The following IFIH1 variants were observed in gnomAD, a reference collection of about 807,000 sequenced individuals.
IFIH1 encodes interferon induced with helicase C domain 1, also known as interferon-induced helicase C domain-containing protein 1.
A neutral mutation model predicts 107.4 loss-of-function variants in IFIH1; 125 were observed. The ratio of observed to expected loss-of-function variants is 1.16; its 90% CI spans 1.01 to 1.35. The LOEUF is 1.35. Among genes scored for constraint, IFIH1 ranks in the 40% most tolerant of loss-of-function variants. IFIH1 has a pLI of 0.00. For synonymous variants in IFIH1, 458 were observed against 413.2 expected, an observed-to-expected ratio of 1.11 and a Z score of -1.31; for missense variants, 1,333 against 1,213.7, an observed-to-expected ratio of 1.10 and a Z score of -1.46.
intron 3 of IFIH1, among the ~76,000 whole-genome samples, chr2:162,297,686 T>C (rs1683117912): frequency 6.6e-6 from 1 of 152,174 alleles, no homozygotes; most frequent in Admixed American, 6.6e-5. Context: ...AAGCTAACTA[T>C]GAAACAGATT....
intron 3 of IFIH1, among the ~76,000 whole-genome samples, chr2:162,298,767 TACACACACACGCACGCGCGCGCGCAC>T (rs1432914764): frequency 1.3e-5 from 2 of 151,468 alleles, no homozygotes; most frequent in Admixed American, 6.7e-5. Flanking sequence ...TATATGGATC[TACACACACACGCACGCGCGCGCGCAC>T]ACACACACAC....
intron 7 of IFIH1, among the ~76,000 whole-genome samples, chr2:162,280,368 G>A (rs942559307): frequency 1.3e-5 from 2 of 151,882 alleles, no homozygotes; most frequent in African/African-American, 4.8e-5. Flanking sequence ...AAATCAAGTT[G>A]GTGTAATAAC....
At chr2:162,309,179 GT>G (rs1172862258) in intron 2 of IFIH1, among the ~76,000 whole-genome samples, 1 of 152,136 alleles carries the variant, frequency 6.6e-6, no homozygotes, top group Non-Finnish European at 1.5e-5. Flanking sequence ...GCTCTGTTTG[GT>G]TTGATGCTCT....
At chr2:162,286,037 C>G (rs1682887377) in intron 5 of IFIH1, among the ~76,000 whole-genome samples, 1 of 151,898 alleles carries the variant, frequency 6.6e-6, no homozygotes, top group African/African-American at 2.4e-5. Context: ...ACGCTCTGCA[C>G]TGGTATGATC....
chr2:162,312,999 T>C (rs1352254552), intron 1 of IFIH1, among the ~76,000 whole-genome samples: 1 of 152,206 alleles, frequency 6.6e-6, no homozygotes, highest in Non-Finnish European at 1.5e-5. Context: ...CAACTTTTAC[T>C]GTGGAATCAT....
At chr2:162,289,856 C>A (rs1056902944) in intron 4 of IFIH1, among the ~76,000 whole-genome samples, 8 of 151,838 alleles carry the variant, frequency 5.3e-5, no homozygotes, top group African/African-American at 1.9e-4. Flanking sequence ...TTAAAATATA[C>A]CTTTATAAGT....
At chr2:162,301,830 A>G (rs748834137) in intron 3 of IFIH1, among the ~76,000 whole-genome samples, 58 of 152,192 alleles carry the variant, frequency 3.8e-4, no homozygotes, top group Non-Finnish European at 6.3e-4. Context: ...CTTTTGTTAT[A>G]AGACGACCAG....
intron 10 of IFIH1, among the ~76,000 whole-genome samples, chr2:162,277,186 A>T (rs1682699518): frequency 6.6e-6 from 1 of 152,206 alleles, no homozygotes; most frequent in Admixed American, 6.5e-5. Flanking sequence ...GGATGGTTTA[A>T]TAAATAAATT....
intron 5 of IFIH1, among the ~76,000 whole-genome samples, chr2:162,283,919 A>C (rs1682852413): frequency 6.6e-6 from 1 of 151,964 alleles, no homozygotes; most frequent in Non-Finnish European, 1.5e-5. Context: ...TGAGTGAAAG[A>C]ACATTACCTT....
At chr2:162,304,423 C>T (rs1367461552) in intron 3 of IFIH1, among the ~76,000 whole-genome samples, 1 of 152,138 alleles carries the variant, frequency 6.6e-6, no homozygotes, top group African/African-American at 2.4e-5. Context: ...GTTTGTGCCA[C>T]TGTACTCCAG....
intron 3 of IFIH1, among the ~76,000 whole-genome samples, chr2:162,304,331 G>A (rs549202888): frequency 1.2e-4 from 18 of 152,184 alleles, no homozygotes; most frequent in Non-Finnish European, 2.2e-4. Flanking sequence ...GTATGGTGGC[G>A]CACGCCCGTG....
At chr2:162,316,426 C>T (rs578106285) in intron 1 of IFIH1, among the ~76,000 whole-genome samples, 8 of 152,254 alleles carry the variant, frequency 5.3e-5, no homozygotes, top group South Asian at 4.2e-4. Flanking sequence ...ATACACAAAA[C>T]GACATAAACA....
Position 162,281,346 on chromosome 2 carries a change from A to C in IFIH1, c.1506T>G (p.Ala502=). 1 of 1,612,132 alleles carries C rather than the reference A, an allele frequency of 6.2e-7. No homozygotes were observed. ...GVGGATKQAK[A]EEHILKLCAN... ...GACTTACTTTTAAAATGTGTTCTTC[A>C]GCTTTGGCTTGCTTCGTGGCCCCTC... Residue 502 remains alanine (A), a synonymous_variant, in exon 7 of 16, where the codon GCT becomes GCG. Transcript: ENST00000649979.
intron 7 of IFIH1, among the ~76,000 whole-genome samples, 178 bp downstream of exon 7, chr2:162,281,146 ATATT>A (rs1682799776): frequency 6.6e-6 from 1 of 151,984 alleles, no homozygotes; most frequent in African/African-American, 2.4e-5. Context: ...TGTGTTATTG[ATATT>A]TATTAAGGCA....
In IFIH1 at chr2:162,277,448, C is replaced by T; in HGVS notation, c.2011G>A (p.Glu671Lys). The change falls in exon 10 of 16, where the codon GAA becomes AAA. Residue 671 changes from glutamate to lysine, a missense_variant. Physicochemically the swap from Glu to Lys is moderately conservative, Grantham distance 56. Coordinates refer to ENST00000649979, the MANE Select transcript of IFIH1 (RefSeq NM_022168.4). ...AAAGTCATGAGAAATCTATCTGTTTCATCCAGTTTCAAAGGTTTCTTTAAA... is the reference window on the plus strand; with the variant it reads ...AAAGTCATGAGAAATCTATCTGTTTTATCCAGTTTCAAAGGTTTCTTTAAA... ...DDLKKPLKLD[E>K]TDRFLMTLFF... The T allele has an allele frequency of 6.2e-7, 1 of 1,609,100 alleles. No homozygotes were observed. The highest frequency in any genetic ancestry group is 1.1e-5 in the South Asian group (1 of 90,682).
chr2:162,289,913 G>A (rs1347787723), intron 4 of IFIH1, among the ~76,000 whole-genome samples: 1 of 151,898 alleles, frequency 6.6e-6, no homozygotes, highest in Non-Finnish European at 1.5e-5. Flanking sequence ...AGTTCATCTT[G>A]TATTATATTT....
At chr2:162,274,517 G>A (rs1264866768) in intron 11 of IFIH1, among the ~76,000 whole-genome samples, 2 of 152,096 alleles carry the variant, frequency 1.3e-5, no homozygotes, top group Non-Finnish European at 2.9e-5. Flanking sequence ...AAGACTAGAG[G>A]TCAGTGGTAT....
At chr2:162,314,449 T>A (rs1051097968) in intron 1 of IFIH1, among the ~76,000 whole-genome samples, 2 of 122,984 alleles carry the variant, frequency 1.6e-5, no homozygotes, top group African/African-American at 3.9e-5. Flanking sequence ...TCTTTCTTTC[T>A]TTCTTTCTTT....
At chr2:162,296,723 TAGAG>T (rs770761182) in intron 3 of IFIH1, among the ~76,000 whole-genome samples, 22 of 152,290 alleles carry the variant, frequency 1.4e-4, no homozygotes, top group Non-Finnish European at 2.6e-4. Flanking sequence ...GAAAAGAACT[TAGAG>T]AGATGATTTT....
Sources: allele counts gnomAD v4.1 joint callset (sites outside exome capture counted in the v4.1 genomes callset), GRCh38; gene constraint gnomAD v4.1.1; transcripts MANE v1.5; gene names NCBI Gene and HGNC (gene_info 2026-07-23, HGNC 2026-07-21).